PAMR1: variants seen among roughly 807,000 people sequenced by gnomAD.
The protein encoded by PAMR1 is peptidase domain containing associated with muscle regeneration 1, also known as inactive serine protease PAMR1.
In PAMR1, 88 loss-of-function variants were observed where a neutral mutation model predicts 81.8. The ratio of observed to expected loss-of-function variants is 1.08; its 90% CI spans 0.91 to 1.28. The LOEUF (loss-of-function observed/expected upper bound fraction) is 1.28, where lower values mean the gene tolerates loss of function less well. Ranked by LOEUF, PAMR1 falls within the 50% of genes most tolerant of loss-of-function variation. PAMR1 has a pLI of 0.00. For missense variants in PAMR1, 935 were observed against 919.7 expected, an observed-to-expected ratio of 1.02 and a Z score of -0.21; for synonymous variants, 336 against 345.3, an observed-to-expected ratio of 0.97 and a Z score of 0.30.
chr11:35,435,997 C>G lies in PAMR1; in HGVS notation c.1239G>C (p.Glu413Asp), dbSNP rs1291443717. ...YQHLHTQLQY[E>D]CISPFYRRLG... ...GGCGGCGGTAGAAGGGTGAGATGCA[C>G]TCATACTGGAGCTGGGTATGCAGAT... Residue 413 changes from glutamate to aspartate, a missense_variant, in exon 9 of 11, where the codon GAG becomes GAC. By Grantham distance (45) the Glu-to-Asp change is conservative (BLOSUM62 2). Transcript: ENST00000619888. 1 of 1,614,182 alleles carries G rather than the reference C, an allele frequency of 6.2e-7. No individual in the cohort carries two copies.
At chr11:35,513,101 G>C (rs1287724537) in intron 1 of PAMR1, among the ~76,000 whole-genome samples, 1 of 152,196 alleles carries the variant, frequency 6.6e-6, no homozygotes, top group Non-Finnish European at 1.5e-5. Flanking sequence ...AGTCTATTCA[G>C]AACAGAGCTC....
intron 3 of PAMR1, among the ~76,000 whole-genome samples, chr11:35,483,170 G>C (rs1294841559): frequency 6.6e-6 from 1 of 152,164 alleles, no homozygotes; most frequent in African/African-American, 2.4e-5. Context: ...GGGTTAAGCT[G>C]ATTTGGGGCA....
chr11:35,443,799 G>A (rs1362578420), intron 6 of PAMR1, among the ~76,000 whole-genome samples: 2 of 152,202 alleles, frequency 1.3e-5, no homozygotes, highest in Non-Finnish European at 2.9e-5. Context: ...CAATCACCTT[G>A]AAATAATTTA....
In PAMR1 at chr11:35,494,163, G is replaced by C; in HGVS notation, c.183C>G (p.Val61=). Residue 61 remains valine, a synonymous_variant, in exon 2 of 11, where the codon GTC becomes GTG. Transcript: ENST00000619888. ...IECVCPGKRE[V]VGYTIPCCRN... is the part of the protein sequence containing the mutation. Reference sequence around the variant, plus strand: ...TGCAGCAAGGGATGGTATAACCCACGACTTCCCTCTTTCCGGGGCAGACGC... The same window carrying C: ...TGCAGCAAGGGATGGTATAACCCACCACTTCCCTCTTTCCGGGGCAGACGC... The C allele has an allele frequency of 6.2e-7, 1 of 1,613,922 alleles. No individual in the cohort carries two copies. The highest frequency in any genetic ancestry group is 1.1e-5 in the South Asian group (1 of 91,072).
chr11:35,495,542 T>A (rs1850711723), intron 1 of PAMR1, among the ~76,000 whole-genome samples: 1 of 152,154 alleles, frequency 6.6e-6, no homozygotes, highest in African/African-American at 2.4e-5. Flanking sequence ...TTTCTAAAAA[T>A]TTTGCACAAA....
At chr11:35,503,222 G>C (rs1309787086) in intron 1 of PAMR1, among the ~76,000 whole-genome samples, 3 of 151,374 alleles carry the variant, frequency 2.0e-5, no homozygotes, top group African/African-American at 7.3e-5. Context: ...TAAGTACCAG[G>C]CTGGTTTGGT....
intron 6 of PAMR1, among the ~76,000 whole-genome samples, chr11:35,460,686 G>A (rs573309736): frequency 6.6e-6 from 1 of 152,262 alleles, no homozygotes; most frequent in East Asian, 1.9e-4. Context: ...AGTATTCCAT[G>A]GTGCATATGT....
intron 3 of PAMR1, among the ~76,000 whole-genome samples, chr11:35,484,407 C>T (rs12295628): frequency 0.036 from 5,450 of 152,294 alleles, 342 homozygotes; most frequent in African/African-American, 0.12. Flanking sequence ...AAGTCTGGAG[C>T]GAGATGAGGC....
At chr11:35,504,740 A>G (rs112507498) in intron 1 of PAMR1, among the ~76,000 whole-genome samples, 50 of 147,612 alleles carry the variant, frequency 3.4e-4, no homozygotes, top group African/African-American at 1.2e-3. Flanking sequence ...TTCATTTCTA[A>G]TTTTATTTAA....
At chr11:35,496,208 T>TGGCTATGGATTC (rs887334866) in intron 1 of PAMR1, among the ~76,000 whole-genome samples, 4 of 152,240 alleles carry the variant, frequency 2.6e-5, no homozygotes, top group African/African-American at 9.6e-5. Flanking sequence ...ATCTTGGATT[T>TGGCTATGGATTC]GGCTATGGAT....
At position 35,470,776 on chromosome 11, in the gene PAMR1, A is replaced by T; in HGVS notation, c.537T>A (p.Tyr179Ter). ...LSLEFDYMCQYDYVEVRDGDN... is the reference protein window; with the variant it reads ...LSLEFDYMCQ ...CTCCATCACGAACCTCAACATAGTCATACTGGCACATGTAGTCAAACTCCA... is the reference window on the plus strand; with the variant it reads ...CTCCATCACGAACCTCAACATAGTCTTACTGGCACATGTAGTCAAACTCCA... The change falls in exon 5 of 11, where the codon TAT becomes TAA. Residue 179 changes from tyrosine to a stop codon, truncating the protein, a stop_gained. Coordinates refer to ENST00000619888, the MANE Select transcript of PAMR1 (RefSeq NM_001001991.3). LOFTEE classifies it high-confidence loss of function. 1 of 1,614,110 alleles carries T rather than the reference A, an allele frequency of 6.2e-7. No homozygotes were observed. Among genetic ancestry groups the T allele is most frequent in the Non-Finnish European group, 8.5e-7 (1 of 1,179,982 alleles).
intron 6 of PAMR1, chr11:35,451,814 C>T: frequency 1.6e-6 from 1 of 627,432 alleles, no homozygotes; most frequent in South Asian, 1.9e-5. Flanking sequence ...AAAAAAGAAC[C>T]CAGAGAGCTC....
chr11:35,522,635 G>A (rs1851305458), intron 1 of PAMR1, among the ~76,000 whole-genome samples: 1 of 152,188 alleles, frequency 6.6e-6, no homozygotes, highest in African/African-American at 2.4e-5. Flanking sequence ...TGGGAATAAT[G>A]CTGCTATGAA....
intron 3 of PAMR1, among the ~76,000 whole-genome samples, chr11:35,479,060 T>G (rs1850334791): frequency 6.6e-6 from 1 of 152,110 alleles, no homozygotes; most frequent in Admixed American, 6.5e-5. Flanking sequence ...TCAACAAAAA[T>G]GAACACCCTT....
Position 35,494,226 on chromosome 11 carries a change from G to T in PAMR1, c.120C>A (p.Ile40=). 1 of 1,614,142 alleles carries T rather than the reference G, an allele frequency of 6.2e-7. No individual in the cohort carries two copies. Among genetic ancestry groups the T allele is most frequent in the African/African-American group, 1.3e-5 (1 of 75,050 alleles). Residue 40 remains isoleucine, a synonymous_variant, in exon 2 of 11, where the codon ATC becomes ATA. Transcript: ENST00000619888. The part of the protein sequence containing the change: ...NEACPGAEWN[I]MCRECCEYDQ... ...CATATTCACAGCACTCCCGACACAT[G>T]ATATTCCACTCTGCTCCAGGGCAGG... is the stretch of plus-strand genomic sequence containing the variant.
At chr11:35,439,739 C>T in intron 7 of PAMR1, 46 bp from the exon 8 acceptor site, 3 of 1,492,702 alleles carry the variant, frequency 2.0e-6, no homozygotes, top group Non-Finnish European at 9.3e-7. Flanking sequence ...TCCATATTCA[C>T]TGTTCATATC....
At chr11:35,489,383 C>G (rs755479489) in intron 3 of PAMR1, among the ~76,000 whole-genome samples, 20 of 152,168 alleles carry the variant, frequency 1.3e-4, no homozygotes, top group Non-Finnish European at 1.9e-4. Context: ...TTCAGTGAGT[C>G]TTGAGTCCTG....
rs779171730 is a variant in PAMR1 at position 35,439,609 on chromosome 11, C to T, written c.1100+18G>A. 3.4e-5 allele frequency: 55 copies of T among 1,594,406 alleles called. No homozygotes were observed. Among genetic ancestry groups the T allele is most frequent in the Non-Finnish European group, 4.6e-5 (54 of 1,162,000 alleles). On this transcript the variant is annotated intron_variant, in intron 8 of 10. Coordinates refer to ENST00000619888, the MANE Select transcript of PAMR1 (RefSeq NM_001001991.3). ...ACTCATTAGCCTTCAGGGCAGAGTG[C>T]AGGTGTTTTGACCTCACCTTGACTG...
At chr11:35,529,122 T>C (rs1043851052), upstream of PAMR1, 7 of 152,234 alleles carry the variant, frequency 4.6e-5, no homozygotes, top group African/African-American at 1.7e-4. Flanking sequence ...ATTTTTCATA[T>C]TGATAGAGTT....
Sources: allele counts gnomAD v4.1 joint callset (sites outside exome capture counted in the v4.1 genomes callset), GRCh38; gene constraint gnomAD v4.1.1; transcripts MANE v1.5; gene names NCBI Gene and HGNC (gene_info 2026-07-23, HGNC 2026-07-21).